Variants in GPR37 observed in about 807,000 individuals in gnomAD.
GPR37 encodes prosaposin receptor GPR37.
GPR37 carries 20 observed loss-of-function variants against 43.6 expected under a neutral mutation model. The ratio of observed to expected loss-of-function variants is 0.46; its 90% CI spans 0.32 to 0.67. The LOEUF (loss-of-function observed/expected upper bound fraction) is 0.67. Ranked by LOEUF, GPR37 falls within the 30% of genes least tolerant of loss-of-function variation. The pLI is 0.03. For synonymous variants in GPR37, 315 were observed against 322.6 expected (o/e 0.98, Z 0.25); for missense variants, 724 against 797.2 (o/e 0.91, Z 1.11).
Position 124,764,088 on chromosome 7 carries a change from T to C in GPR37, c.889A>G (p.Asn297Asp), listed in dbSNP as rs1256735982. 2 of 1,614,070 alleles carry C rather than the reference T, an allele frequency of 1.2e-6. No individual in the cohort carries two copies. Among genetic ancestry groups the C allele is most frequent in the Non-Finnish European group, 8.5e-7 (1 of 1,179,988 alleles). ...CHNYYMRSIS[N>D]SLLANLAFWD... The stretch of plus-strand genomic sequence containing the variant: ...AAGGCCAGGTTGGCCAAGAGGGAGT[T>C]GGAGATGCTCCGCATGTAGTAGTTG... The change falls in exon 1 of 2, where the codon AAC becomes GAC. Residue 297 changes from asparagine to aspartate, a missense_variant. Physicochemically the swap from Asn to Asp is conservative, Grantham distance 23 (BLOSUM62 1). Transcript: ENST00000303921. This position sits in a 1 kb window ranked among gnomAD's most constrained non-coding sequence, Gnocchi z 5.4.
At chr7:124,756,515 T>C (rs1793792137) in intron 1 of GPR37, among the ~76,000 whole-genome samples, 1 of 152,228 alleles carries the variant, frequency 6.6e-6, no homozygotes, top group African/African-American at 2.4e-5. Flanking sequence ...AGACCCTCCA[T>C]ATTTGACGTT....
rs376429355 is a variant in GPR37 at position 124,751,005 on chromosome 7, T to A, written c.1024-3662A>T. 9.1e-4 allele frequency among the ~76,000 whole-genome samples: 139 copies of A among 152,280 alleles called. 1 individual carries two copies. The highest frequency in any genetic ancestry group is 3.2e-3 in the Admixed American group (49 of 15,288). Reference sequence around the variant, plus strand: ...AAGCTCAAACATACATGATCTGTAGTCTTTTTGATAAATCATGAATTAAGG... The same window carrying A: ...AAGCTCAAACATACATGATCTGTAGACTTTTTGATAAATCATGAATTAAGG... On this transcript the variant is annotated intron_variant, in intron 1 of 1. Transcript: ENST00000303921.
rs183803404 is a variant in GPR37 at position 124,746,806 on chromosome 7, C to T, written c.1561G>A (p.Gly521Arg). 88 of 1,614,042 alleles carry T rather than the reference C, an allele frequency of 5.5e-5. No individual in the cohort carries two copies. The Admixed American group carries it at 9.8e-4, about 18-fold the overall frequency. The part of the protein sequence containing the change: ...CNIVTAYMAT[G>R]VSQQTMDLLN... ...AGGTCCATTGTCTGCTGTGAAACCC[C>T]TGTAGCCATGTAGGCAGTAACAATG... The change falls in exon 2 of 2, where the codon GGG becomes AGG. Residue 521 changes from glycine to arginine, a missense_variant. Gly to Arg is a moderately radical substitution (Grantham distance 125). This residue lies in a region of GPR37 where 342 missense variants were observed against 441.8 expected (regional missense o/e 0.77). Coordinates refer to ENST00000303921, the MANE Select transcript of GPR37 (RefSeq NM_005302.5).
rs1378342359 is a variant in GPR37, at chr7:124,744,163, A to G, written c.*2362T>C. ...AGAAATTTAAGTTCCTGCTGCCTCC[A>G]TTGTGGTTCAATCTCTTATAATAGC... On this transcript the variant is annotated 3_prime_UTR_variant, in exon 2 of 2. Transcript: ENST00000303921. 6.6e-6 allele frequency: 1 copy of G among 152,100 alleles called. No homozygotes were observed. The highest frequency in any genetic ancestry group is 1.5e-5 in the Non-Finnish European group (1 of 68,004). The allele number at this position is 152,100 out of a possible 1,614,324, so 9.4% of individuals were successfully genotyped here.
rs140856974 is a variant in GPR37, at chr7:124,756,841, G to A, written c.1023+7113C>T. On this transcript the variant is annotated intron_variant, in intron 1 of 1. Coordinates refer to ENST00000303921, the MANE Select transcript of GPR37 (RefSeq NM_005302.5). ...GTTAAAAGGTTGCCGCACATAAGAC[G>A]AATGCCATTAAAGGTGTAAAAATTG... Among the ~76,000 whole-genome samples the A allele has an allele frequency of 4.3e-4, 66 of 152,286 alleles. No homozygotes were observed. In the East Asian group the frequency reaches 8.3e-3, roughly 19 times the overall value.
At chr7:124,760,553 C>G (rs1335016779) in intron 1 of GPR37, among the ~76,000 whole-genome samples, 1 of 152,096 alleles carries the variant, frequency 6.6e-6, no homozygotes. Context: ...ACAAAAGAAG[C>G]TATACATTTC....
intron 1 of GPR37, among the ~76,000 whole-genome samples, chr7:124,760,642 C>T (rs1793840820): frequency 6.6e-6 from 1 of 151,788 alleles, no homozygotes; most frequent in South Asian, 2.1e-4. Context: ...TTTTCAGATG[C>T]CAAGGAGCGG....
At chr7:124,749,083 C>T (rs1190430671) in intron 1 of GPR37, among the ~76,000 whole-genome samples, 2 of 151,998 alleles carry the variant, frequency 1.3e-5, no homozygotes, top group East Asian at 1.9e-4. Context: ...TCATAGTCAA[C>T]CAAGATGGGG....
chr7:124,765,002 C>T lies in GPR37; in HGVS notation c.-26G>A. ...GGCTTGGTGAGGGCACACCCGGCAG[C>T]CGCAGCTCCTGCTTAGTTAGGATCG... On this transcript the variant is annotated 5_prime_UTR_variant, in exon 1 of 2. Coordinates refer to ENST00000303921, the MANE Select transcript of GPR37 (RefSeq NM_005302.5). 7.0e-7 allele frequency: 1 copy of T among 1,434,726 alleles called. No homozygotes were observed. 88.9% of individuals were successfully genotyped at this position (1,434,726 alleles called of 1,614,324 possible).
At chr7:124,762,402 T>C (rs1213955025) in intron 1 of GPR37, among the ~76,000 whole-genome samples, 2 of 151,748 alleles carry the variant, frequency 1.3e-5, no homozygotes, top group East Asian at 3.9e-4. Context: ...GATAAGCCAA[T>C]ACACTTCTCT....
rs1793677892 is a variant in GPR37, at chr7:124,746,893, A to G, written c.1474T>C (p.Cys492Arg). The G allele has an allele frequency of 6.2e-7, 1 of 1,613,990 alleles. No individual in the cohort carries two copies. The highest frequency in any genetic ancestry group is 1.7e-5 in the Admixed American group (1 of 60,000). The change falls in exon 2 of 2, where the codon TGT (cysteine) becomes CGT (arginine). Residue 492 changes from cysteine to arginine, a missense_variant. Cys to Arg is a radical substitution (Grantham distance 180). Coordinates refer to ENST00000303921, the MANE Select transcript of GPR37 (RefSeq NM_005302.5). The part of the protein sequence containing the change: ...RQIQLESQMN[C>R]TVVALTILYG... Reference sequence around the variant, plus strand: ...AAAATGGTCAGTGCCACTACTGTACAGTTCATCTGACTCTCTAGTTGAATC... The same window carrying G: ...AAAATGGTCAGTGCCACTACTGTACGGTTCATCTGACTCTCTAGTTGAATC...
At chr7:124,756,928 G>A (rs1004723756) in intron 1 of GPR37, among the ~76,000 whole-genome samples, 5 of 152,064 alleles carry the variant, frequency 3.3e-5, no homozygotes, top group East Asian at 3.9e-4. Context: ...CTCAGCCTTC[G>A]GTAAACTTAT....
intron 1 of GPR37, among the ~76,000 whole-genome samples, chr7:124,751,738 C>A (rs763775695): frequency 2.6e-5 from 4 of 152,134 alleles, no homozygotes. Flanking sequence ...TTCAATATCA[C>A]CATGAAATAT....
intron 1 of GPR37, among the ~76,000 whole-genome samples, chr7:124,761,653 G>A (rs1793852750): frequency 6.6e-6 from 1 of 152,148 alleles, no homozygotes; most frequent in Non-Finnish European, 1.5e-5. Flanking sequence ...CCCAACGTAG[G>A]AGAAACCCTA....
chr7:124,764,491 G>A lies in GPR37; in HGVS notation c.486C>T (p.Ser162=). The change falls in exon 1 of 2, where the codon TCC becomes TCT. Residue 162 remains serine (S), a synonymous_variant. Transcript: ENST00000303921. The surrounding 1 kb of genome is among the most constrained non-coding windows in gnomAD (Gnocchi z 5.4). The stretch of plus-strand genomic sequence containing the variant: ...TCACACTCTGCTCCTGGCTACGCCC[G>A]GAAATGCCAGCGCCTCTGGGACCCT... The part of the protein sequence containing the change: ...EEKGPRGAGI[S]GRSQEQSVKT... 1 of 1,613,616 alleles carries A rather than the reference G, an allele frequency of 6.2e-7. No individual in the cohort carries two copies. The highest frequency in any genetic ancestry group is 8.5e-7 in the Non-Finnish European group (1 of 1,180,042).
At chr7:124,755,319 G>A (rs1297221865) in intron 1 of GPR37, among the ~76,000 whole-genome samples, 1 of 152,072 alleles carries the variant, frequency 6.6e-6, no homozygotes, top group Non-Finnish European at 1.5e-5. Flanking sequence ...ATGCCGTGGG[G>A]GAAAAATATT....
At position 124,745,064 on chromosome 7, in the gene GPR37, T is replaced by G. The variant is rs185331351; in HGVS notation, c.*1461A>C. On this transcript the variant is annotated 3_prime_UTR_variant, in exon 2 of 2. Coordinates refer to ENST00000303921, the MANE Select transcript of GPR37 (RefSeq NM_005302.5). ...AAGTATTGGACTGGGAAAAAGGAGA[T>G]AGCCTGGGCACTGCCATTTAAGTTT... 13 of 152,330 alleles carry G rather than the reference T, an allele frequency of 8.5e-5. No individual in the cohort carries two copies. The East Asian group carries it at 2.5e-3, about 29-fold the overall frequency. 9.4% of individuals were successfully genotyped at this position (152,330 alleles called of 1,614,324 possible).
Position 124,743,949 on chromosome 7 carries a change from AT to A in GPR37, c.*2575del, listed in dbSNP as rs1287678794. 2 of 151,250 alleles carry A rather than the reference AT, an allele frequency of 1.3e-5. No homozygotes were observed. Among genetic ancestry groups the A allele is most frequent in the Non-Finnish European group, 2.9e-5 (2 of 67,846 alleles). The allele number at this position is 151,250 out of a possible 1,614,324, so 9.4% of individuals were successfully genotyped here. A position where few individuals can be genotyped will look rare whatever the true frequency, so the allele number is the denominator to read the frequency against. Reference sequence around the variant, plus strand: ...AAATGTTGAACAGAAATGATTAACAATTTTTTAAAAGTATATTATAGAAATT... The same window carrying A: ...AAATGTTGAACAGAAATGATTAACAATTTTTAAAAGTATATTATAGAAATT... On this transcript the variant is annotated 3_prime_UTR_variant, in exon 2 of 2. Coordinates refer to ENST00000303921, the MANE Select transcript of GPR37 (RefSeq NM_005302.5).
Position 124,763,972 on chromosome 7 carries a change from C to A in GPR37, c.1005G>T (p.Lys335Asn), listed in dbSNP as rs1374912741. The A allele has an allele frequency of 2.5e-6, 4 of 1,613,898 alleles. No individual in the cohort carries two copies. Reference sequence around the variant, plus strand: ...GCATTACCTCTATATAGGGCACGATCTTGCAGGAGAAGTCCTCCAGCAGCC... The same window carrying A: ...GCATTACCTCTATATAGGGCACGATATTGCAGGAGAAGTCCTCCAGCAGCC... ...KKWLLEDFSCKIVPYIEVASL... is the reference protein window; with the variant it reads ...KKWLLEDFSCNIVPYIEVASL... The change falls in exon 1 of 2, where the codon AAG becomes AAT. Residue 335 changes from lysine (K) to asparagine (N), a missense_variant. Physicochemically the swap from Lys to Asn is moderately conservative, Grantham distance 94 (BLOSUM62 0). Around this residue, in one of 2 missense-constraint regions of GPR37, gnomAD observed 342 missense variants for 441.8 expected, o/e 0.77. Transcript: ENST00000303921.
Sources: allele counts gnomAD v4.1 joint callset (sites outside exome capture counted in the v4.1 genomes callset), GRCh38; gene constraint gnomAD v4.1.1; regional missense constraint gnomAD v4.1.1; non-coding constraint Gnocchi (gnomAD v3.1); transcripts MANE v1.5; gene names NCBI Gene and HGNC (gene_info 2026-07-23, HGNC 2026-07-21).